UTP4: variants seen among roughly 807,000 people sequenced by gnomAD.
The protein encoded by UTP4 is U3 small nucleolar RNA-associated protein 4 homolog.
Under a neutral mutation model 82.4 loss-of-function variants are expected in UTP4, and 45 were observed. The ratio of observed to expected loss-of-function variants is 0.55; its 90% CI spans 0.43 to 0.70. The LOEUF (loss-of-function observed/expected upper bound fraction) is 0.70. Among genes scored for constraint, UTP4 ranks in the 30% least tolerant of loss-of-function variants. The pLI, the probability that UTP4 is intolerant of heterozygous loss-of-function variation, is 0.00. For synonymous variants in UTP4, 348 were observed against 300.3 expected (o/e 1.16, Z -1.64); for missense variants, 819 against 858.3 (o/e 0.95, Z 0.57).
intron 16 of UTP4, 38 bp downstream of exon 16, chr16:69,167,223 C>T (rs921581259): frequency 5.3e-6 from 7 of 1,318,046 alleles, no homozygotes; most frequent in Non-Finnish European, 5.5e-6. Context: ...ATAGTTGGTT[C>T]CTTTGTGATA....
intron 4 of UTP4, chr16:69,138,137 C>A (rs770652540): frequency 6.0e-6 from 3 of 497,500 alleles, no homozygotes; most frequent in Non-Finnish European, 3.6e-6. Context: ...CTGTGGAAGT[C>A]AATTTGTTAG....
At chr16:69,134,113 T>G (rs1056952482) in intron 2 of UTP4, among the ~76,000 whole-genome samples, 1 of 152,184 alleles carries the variant, frequency 6.6e-6, no homozygotes, top group Non-Finnish European at 1.5e-5. Flanking sequence ...GATTTAAAAT[T>G]AGGTAAAATG....
chr16:69,144,751 C>T (rs770970878), intron 6 of UTP4, among the ~76,000 whole-genome samples: 2 of 152,128 alleles, frequency 1.3e-5, no homozygotes, highest in Non-Finnish European at 2.9e-5. Flanking sequence ...AGATGTCACA[C>T]GTAAGTGATA....
chr16:69,145,783 G>A (rs914268311), intron 6 of UTP4, among the ~76,000 whole-genome samples: 1 of 152,006 alleles, frequency 6.6e-6, no homozygotes, highest in Non-Finnish European at 1.5e-5. Flanking sequence ...CAAGAGAGTT[G>A]GCATAAGGTT....
In UTP4 at chr16:69,155,926, A is replaced by T. The variant is rs751215674; in HGVS notation, c.1220A>T (p.Tyr407Phe). 1 of 1,613,816 alleles carries T rather than the reference A, an allele frequency of 6.2e-7. No homozygotes were observed. Among genetic ancestry groups the T allele is most frequent in the Non-Finnish European group, 8.5e-7 (1 of 1,179,844 alleles). ...TCCCCATGTGGAAGTTGGATAGCCT[A>T]TTCTACAGTTTCTCGGTTTTTTCTC... ...CISPCGSWIA[Y>F]STVSRFFLYR... Residue 407 changes from tyrosine to phenylalanine, a missense_variant, in exon 11 of 17, where the codon TAT (tyrosine) becomes TTT (phenylalanine). Coordinates refer to ENST00000314423, the MANE Select transcript of UTP4 (RefSeq NM_032830.3).
In UTP4 at chr16:69,162,406, T is replaced by C. The variant is rs75458285; in HGVS notation, c.1552-677T>C. Among the ~76,000 whole-genome samples the C allele has an allele frequency of 4.3e-3, 656 of 151,472 alleles. 24 individuals are homozygous for C. In the South Asian group the frequency reaches 0.083, roughly 19 times the overall value. On this transcript the variant is annotated intron_variant, in intron 13 of 16. Transcript: ENST00000314423. ...GCCCGGCCAACATAGTGAGACCCCG[T>C]TTCTACTAAAAATACAAAAATTAAG...
intron 4 of UTP4, 182 bp from the exon 5 acceptor site, chr16:69,139,639 AAAAT>A (rs60340195): frequency 0.023 from 3,766 of 166,810 alleles, 58 homozygotes; most frequent in African/African-American, 0.038. Flanking sequence ...CTCCGTCTCA[AAAAT>A]AAATAAATAA....
At position 69,149,535 on chromosome 16, in the gene UTP4, A is replaced by G. The variant is rs1484817820; in HGVS notation, c.739-1002A>G. Reference sequence around the variant, plus strand: ...CACTGCCCTCCAGCCTGGGTGACAGAGCGAAACTCCGTCTCAAAAAATACA... The same window carrying G: ...CACTGCCCTCCAGCCTGGGTGACAGGGCGAAACTCCGTCTCAAAAAATACA... On this transcript the variant is annotated intron_variant, in intron 6 of 16. Transcript: ENST00000314423. Among the ~76,000 whole-genome samples, 6 of 152,012 alleles carry G rather than the reference A, an allele frequency of 3.9e-5. No homozygotes were observed. The East Asian group carries it at 1.2e-3, about 29-fold the overall frequency.
At chr16:69,136,572 G>A in intron 2 of UTP4, 124 bp from the exon 3 acceptor site, 1 of 896,632 alleles carries the variant, frequency 1.1e-6, no homozygotes, top group Non-Finnish European at 1.9e-6. Flanking sequence ...GGCATGATCT[G>A]ATAGCACAAA....
In UTP4 at chr16:69,139,831, T is replaced by A. The variant is rs753905789; in HGVS notation, c.443T>A (p.Ile148Asn). The A allele has an allele frequency of 1.9e-6, 3 of 1,613,186 alleles. No homozygotes were observed. Among genetic ancestry groups the A allele is most frequent in the South Asian group, 2.2e-5 (2 of 91,062 alleles). ...TTGTTGTCCAACTCCCAAGGTCGCA[T>A]CCTGAGTCTCAGCTGGCATCCCTCT... ...ERNFDRQKSR[I>N]LSLSWHPSGT... Residue 148 changes from isoleucine (I) to asparagine (N), a missense_variant, in exon 5 of 17, where the codon ATC becomes AAC. Transcript: ENST00000314423.
intron 9 of UTP4, among the ~76,000 whole-genome samples, 191 bp downstream of exon 9, chr16:69,153,871 A>G (rs1284057112): frequency 6.6e-6 from 1 of 152,106 alleles, no homozygotes; most frequent in Non-Finnish European, 1.5e-5. Flanking sequence ...AGGATATTGG[A>G]TCATCTCTTA....
chr16:69,143,132 C>G (rs1963008858), intron 5 of UTP4, 46 bp from the exon 6 acceptor site: 1 of 1,594,216 alleles, frequency 6.3e-7, no homozygotes, highest in Non-Finnish European at 8.6e-7. Context: ...ATTTTGAAGA[C>G]AGAGAAATAA....
intron 8 of UTP4, among the ~76,000 whole-genome samples, chr16:69,151,325 C>CT (rs75659040): frequency 0.036 from 4,505 of 124,710 alleles, 120 homozygotes; most frequent in African/African-American, 0.067. Context: ...CTTTTTTTTT[C>CT]TTTTTTTTTT....
At chr16:69,156,279 C>T (rs772089015) in intron 11 of UTP4, among the ~76,000 whole-genome samples, 6 of 151,010 alleles carry the variant, frequency 4.0e-5, no homozygotes, top group East Asian at 1.9e-4. Flanking sequence ...TTCAGTCTCC[C>T]GAGTACCTGG....
Position 69,156,821 on chromosome 16 carries a change from C to T in UTP4, c.1288-263C>T, listed in dbSNP as rs1474391765. On this transcript the variant is annotated intron_variant, in intron 11 of 16. Coordinates refer to ENST00000314423, the MANE Select transcript of UTP4 (RefSeq NM_032830.3). ...TGTTCTTAGAGGGATAGGGTAATGC[C>T]CTACAGGCAATAAAATTAAAGCTTT... 4.6e-5 allele frequency among the ~76,000 whole-genome samples: 7 copies of T among 152,268 alleles called. No homozygotes were observed. The South Asian group carries it at 1.4e-3, about 32-fold the overall frequency.
chr16:69,157,023 G>C (rs953001145), intron 11 of UTP4, 61 bp from the exon 12 acceptor site: 79 of 1,572,964 alleles, frequency 5.0e-5, no homozygotes, highest in Non-Finnish European at 6.5e-5. Context: ...AGCTGTGATT[G>C]TTTCTGATGG....
chr16:69,157,165 A>C lies in UTP4; in HGVS notation c.1369A>C (p.Asn457His). ...EDSTKLFVAS[N>H]QGALHIVQLS... ...TTCAACAAAGCTCTTTGTAGCATCA[A>C]ATCAAGGAGCTCTGCATATTGTTCA... Residue 457 changes from asparagine to histidine, a missense_variant, in exon 12 of 17, where the codon AAT becomes CAT. By Grantham distance (68) the Asn-to-His change is moderately conservative (BLOSUM62 1). Transcript: ENST00000314423. 1 of 1,614,210 alleles carries C rather than the reference A, an allele frequency of 6.2e-7. No homozygotes were observed.
chr16:69,169,012 T>A lies in UTP4; in HGVS notation c.*75T>A, dbSNP rs368815889. On this transcript the variant is annotated 3_prime_UTR_variant, in exon 17 of 17. Coordinates refer to ENST00000314423, the MANE Select transcript of UTP4 (RefSeq NM_032830.3). ...TCACAAATCATGGTAATAAAACAAGTTATTCTTGAGGACTAGTCATTATAA... is the reference window on the plus strand; with the variant it reads ...TCACAAATCATGGTAATAAAACAAGATATTCTTGAGGACTAGTCATTATAA... 6 of 918,078 alleles carry A rather than the reference T, an allele frequency of 6.5e-6. No homozygotes were observed. The highest frequency in any genetic ancestry group is 4.8e-5 in the East Asian group (2 of 41,804). The allele number at this position is 918,078 out of a possible 1,614,324, so 56.9% of individuals were successfully genotyped here. A position where few individuals can be genotyped will look rare whatever the true frequency, so the allele number is the denominator to read the frequency against.
intron 6 of UTP4, 74 bp downstream of exon 6, chr16:69,143,463 G>A (rs1265842685): frequency 6.8e-6 from 9 of 1,327,526 alleles, no homozygotes; most frequent in Middle Eastern, 4.0e-4. Context: ...CCTTAGTGAC[G>A]TGCCATGAAC....
Sources: allele counts gnomAD v4.1 joint callset (sites outside exome capture counted in the v4.1 genomes callset), GRCh38; gene constraint gnomAD v4.1.1; transcripts MANE v1.5; gene names NCBI Gene and HGNC (gene_info 2026-07-23, HGNC 2026-07-21).